RASSF3: variants seen among roughly 807,000 people sequenced by gnomAD.
RASSF3 encodes the protein Ras association domain family member 3.
Under a neutral mutation model 19.9 loss-of-function variants are expected in RASSF3, and 19 were observed. That is an observed-to-expected ratio of 0.96 (90% confidence interval 0.67 to 1.40). The LOEUF (loss-of-function observed/expected upper bound fraction) is 1.40. Among genes scored for constraint, RASSF3 ranks in the 40% most tolerant of loss-of-function variants. RASSF3 has a pLI of 0.00. For synonymous variants in RASSF3, 110 were observed against 104.2 expected, an observed-to-expected ratio of 1.06 and a Z score of -0.34; for missense variants, 306 against 289.8, an observed-to-expected ratio of 1.06 and a Z score of -0.41.
intron 1 of RASSF3, among the ~76,000 whole-genome samples, chr12:64,666,960 G>C (rs1872552598): frequency 6.6e-6 from 1 of 152,200 alleles, no homozygotes; most frequent in Non-Finnish European, 1.5e-5. Context: ...AGAAAAGCAA[G>C]AAAGTGGGAG....
chr12:64,596,491 G>A (rs1870000996), intron 2 of RASSF3, among the ~76,000 whole-genome samples: 1 of 152,108 alleles, frequency 6.6e-6, no homozygotes, highest in Non-Finnish European at 1.5e-5. Flanking sequence ...TCAAGGATTT[G>A]GAGTTAAATT....
intron 2 of RASSF3, among the ~76,000 whole-genome samples, chr12:64,596,360 C>T (rs1869999066): frequency 1.3e-5 from 2 of 152,206 alleles, no homozygotes; most frequent in Admixed American, 6.5e-5. Flanking sequence ...TCTCCCTTGG[C>T]TCCTGTGTTA....
In RASSF3 at chr12:64,554,399, G is replaced by A. The variant is rs567887791; in HGVS notation, c.294+12694G>A. Among the ~76,000 whole-genome samples the A allele has an allele frequency of 1.4e-4, 22 of 152,296 alleles. No individual in the cohort carries two copies. In the South Asian group the frequency reaches 4.6e-3, roughly 32 times the overall value. On this transcript the variant is annotated intron_variant, in intron 2 of 5. Transcript: ENST00000637125. Reference sequence around the variant, plus strand: ...GGCTCACTGCAACCTTTGCCTCCTAGGTTCAAGAGATTCTCCTGCCTCAGC... The same window carrying A: ...GGCTCACTGCAACCTTTGCCTCCTAAGTTCAAGAGATTCTCCTGCCTCAGC...
intron 1 of RASSF3, among the ~76,000 whole-genome samples, chr12:64,525,780 G>A (rs1167519335): frequency 2.0e-5 from 3 of 151,968 alleles, no homozygotes; most frequent in African/African-American, 4.8e-5. Flanking sequence ...TTATATTACT[G>A]TAGTGTGATC....
chr12:64,640,601 C>T (rs1276496128), intron 1 of RASSF3, among the ~76,000 whole-genome samples: 3 of 152,152 alleles, frequency 2.0e-5, no homozygotes, highest in Non-Finnish European at 4.4e-5. Context: ...ATATTGTCCT[C>T]AAGGTTCATC....
intron 2 of RASSF3, among the ~76,000 whole-genome samples, chr12:64,572,205 T>C (rs920714100): frequency 2.0e-5 from 3 of 151,950 alleles, no homozygotes; most frequent in Non-Finnish European, 4.4e-5. Flanking sequence ...GTTGAAACCC[T>C]AACACCTAAT....
At position 64,695,876 on chromosome 12, in the gene RASSF3, A is replaced by G. The variant is rs1221556919; in HGVS notation, c.*964A>G. On this transcript the variant is annotated 3_prime_UTR_variant, in exon 5 of 5. Transcript: ENST00000542104. Reference sequence around the variant, plus strand: ...AGTTCACTAACTCTTGTTAAGTTACATAGTGTATAGCTTTCCCCCCACAGG... The same window carrying G: ...AGTTCACTAACTCTTGTTAAGTTACGTAGTGTATAGCTTTCCCCCCACAGG... The G allele has an allele frequency of 6.6e-6, 1 of 152,254 alleles. No individual in the cohort carries two copies. Among genetic ancestry groups the G allele is most frequent in the Non-Finnish European group, 1.5e-5 (1 of 68,062 alleles). 9.4% of individuals were successfully genotyped at this position (152,254 alleles called of 1,614,324 possible).
Position 64,695,967 on chromosome 12 carries a change from A to G in RASSF3, c.*1055A>G, listed in dbSNP as rs1479584837. On this transcript the variant is annotated 3_prime_UTR_variant, in exon 5 of 5. Coordinates refer to ENST00000542104, the MANE Select transcript of RASSF3 (RefSeq NM_178169.4). ...GTTTTTCCCTTGATTGTTAGCTAGG[A>G]TATTTGTCAAGTAAACTTTGGTGAC... 6.6e-6 allele frequency: 1 copy of G among 152,186 alleles called. No homozygotes were observed. The highest frequency in any genetic ancestry group is 2.4e-5 in the African/African-American group (1 of 41,424). 9.4% of individuals were successfully genotyped at this position (152,186 alleles called of 1,614,324 possible). A position where few individuals can be genotyped will look rare whatever the true frequency, so the allele number is the denominator to read the frequency against.
At chr12:64,537,589 G>A (rs1272278906) in intron 1 of RASSF3, among the ~76,000 whole-genome samples, 1 of 152,084 alleles carries the variant, frequency 6.6e-6, no homozygotes, top group East Asian at 1.9e-4. Flanking sequence ...AGACTCACAC[G>A]TCCAACTTCT....
intron 1 of RASSF3, among the ~76,000 whole-genome samples, chr12:64,682,985 C>T (rs998687094): frequency 6.6e-6 from 1 of 152,210 alleles, no homozygotes; most frequent in South Asian, 2.1e-4. Context: ...CCCTAGAAGA[C>T]CTGGATTAAA....
intron 2 of RASSF3, among the ~76,000 whole-genome samples, chr12:64,565,884 G>GAAAAAAAAAAAAAAAA (rs35479688): frequency 7.9e-6 from 1 of 126,660 alleles, no homozygotes; most frequent in African/African-American, 3.0e-5. Flanking sequence ...CTTCGTCTCA[G>GAAAAAAAAAAAAAAAA]AAAAAAAAAA....
At chr12:64,554,835 A>T (rs1869229484) in intron 2 of RASSF3, among the ~76,000 whole-genome samples, 1 of 152,170 alleles carries the variant, frequency 6.6e-6, no homozygotes, top group Non-Finnish European at 1.5e-5. Context: ...CGCCTTCACC[A>T]TTGTATTCTC....
chr12:64,682,679 C>G (rs1050326630), intron 1 of RASSF3, among the ~76,000 whole-genome samples: 1 of 151,876 alleles, frequency 6.6e-6, no homozygotes, highest in Non-Finnish European at 1.5e-5. Flanking sequence ...TTTTCTTACT[C>G]TACGTGGTAT....
At chr12:64,579,293 GTGT>G (rs1409065006) in intron 2 of RASSF3, among the ~76,000 whole-genome samples, 1 of 150,644 alleles carries the variant, frequency 6.6e-6, no homozygotes, top group Non-Finnish European at 1.5e-5. Context: ...TTATAATTAA[GTGT>G]TTTAATATCT....
chr12:64,552,015 G>C (rs1869172831), intron 2 of RASSF3, among the ~76,000 whole-genome samples: 1 of 152,198 alleles, frequency 6.6e-6, no homozygotes, highest in South Asian at 2.1e-4. Flanking sequence ...CCTGGGGTTT[G>C]TTGGTCCAAG....
intron 2 of RASSF3, among the ~76,000 whole-genome samples, chr12:64,559,294 A>G (rs1468836534): frequency 3.5e-5 from 5 of 141,614 alleles, no homozygotes; most frequent in Middle Eastern, 3.5e-3. Flanking sequence ...TCCAGGCTGG[A>G]GTGCAGTGGC....
chr12:64,553,998 G>GA (rs796129554), intron 2 of RASSF3, among the ~76,000 whole-genome samples: 90 of 140,832 alleles, frequency 6.4e-4, no homozygotes, highest in South Asian at 3.8e-3. Flanking sequence ...AAAAAAGAAA[G>GA]AAAAAAAAAA....
chr12:64,546,359 C>T (rs1869054317), downstream of RASSF3, among the ~76,000 whole-genome samples: 1 of 152,096 alleles, frequency 6.6e-6, no homozygotes, highest in African/African-American at 2.4e-5. Flanking sequence ...CAAGCTCCGC[C>T]TCCCGGGTTC....
intron 2 of RASSF3, among the ~76,000 whole-genome samples, chr12:64,568,478 G>C (rs1869467499): frequency 6.6e-6 from 1 of 152,046 alleles, no homozygotes; most frequent in African/African-American, 2.4e-5. Context: ...AGTTGGGTGG[G>C]GCCATTTCCT....
Sources: gnomAD v4.1 joint callset for allele counts (sites outside exome capture counted in the v4.1 genomes callset) on GRCh38, gnomAD v4.1.1 for gene constraint, MANE v1.5 for transcripts, NCBI Gene and HGNC (gene_info 2026-07-23, HGNC 2026-07-21) for gene names.